The following PTPRD variants were observed in gnomAD, a reference collection of about 807,000 sequenced individuals.
The protein encoded by PTPRD is protein tyrosine phosphatase receptor type D, also known as receptor-type tyrosine-protein phosphatase delta.
PTPRD carries 34 observed loss-of-function variants against 214.5 expected under a neutral mutation model. That is an observed-to-expected ratio of 0.16 (90% CI 0.12 to 0.21). The LOEUF (loss-of-function observed/expected upper bound fraction) is 0.21. Among genes scored for constraint, PTPRD ranks in the 10% least tolerant of loss-of-function variants. The probability of loss-of-function intolerance (pLI) is 1.00; values close to 1 mark genes in which losing one functional copy is unlikely to be tolerated. For missense variants in PTPRD, 2,545 were observed against 2,398.7 expected (o/e 1.06, Z -1.27); for synonymous variants, 1,128 against 845.7 (o/e 1.33, Z -5.79).
intron 3 of PTPRD, among the ~76,000 whole-genome samples, chr9:10,186,281 A>G (rs2099329850): frequency 6.6e-6 from 1 of 152,090 alleles, no homozygotes; most frequent in African/African-American, 2.4e-5. Context: ...TATCTGCATA[A>G]TTTGTAAATT....
intron 2 of PTPRD, among the ~76,000 whole-genome samples, chr9:10,341,918 A>G (rs1565410622): frequency 6.6e-6 from 1 of 152,056 alleles, no homozygotes; most frequent in African/African-American, 2.4e-5. Flanking sequence ...TAGCAACTCA[A>G]CTTTTTAATG....
chr9:8,540,646 C>G (rs770542041), intron 14 of PTPRD, among the ~76,000 whole-genome samples: 12 of 152,098 alleles, frequency 7.9e-5, no homozygotes, highest in Non-Finnish European at 1.2e-4. Flanking sequence ...AGAATAGCTT[C>G]AGAAATCCAA....
intron 44 of PTPRD, among the ~76,000 whole-genome samples, chr9:8,327,876 C>A (rs1159392271): frequency 6.6e-6 from 1 of 152,122 alleles, no homozygotes; most frequent in African/African-American, 2.4e-5. Context: ...GGTAAATATT[C>A]CTCCATCCCT....
At chr9:8,999,901 C>T (rs1169757345) in intron 11 of PTPRD, among the ~76,000 whole-genome samples, 1 of 151,942 alleles carries the variant, frequency 6.6e-6, no homozygotes, top group East Asian at 1.9e-4. Flanking sequence ...TAAATCCTCT[C>T]AACAATTTTC....
At chr9:10,276,030 G>C (rs1053421002) in intron 3 of PTPRD, among the ~76,000 whole-genome samples, 1 of 152,128 alleles carries the variant, frequency 6.6e-6, no homozygotes, top group African/African-American at 2.4e-5. Flanking sequence ...CTTTCAGTTG[G>C]ACCTTAGTGA....
chr9:9,730,811 C>G (rs1470257772), intron 7 of PTPRD, among the ~76,000 whole-genome samples: 1 of 152,070 alleles, frequency 6.6e-6, no homozygotes, highest in Non-Finnish European at 1.5e-5. Flanking sequence ...ATGCCCTTTA[C>G]AAAGTGAGAC....
At chr9:9,144,483 G>A (rs978323146) in intron 10 of PTPRD, among the ~76,000 whole-genome samples, 2 of 152,168 alleles carry the variant, frequency 1.3e-5, no homozygotes, top group South Asian at 4.1e-4. Flanking sequence ...GCCGGGTGCG[G>A]TGACCCATGC....
intron 5 of PTPRD, among the ~76,000 whole-genome samples, chr9:9,886,070 A>T (rs2070781227): frequency 6.6e-6 from 1 of 152,016 alleles, no homozygotes; most frequent in South Asian, 2.1e-4. Context: ...ACTGCTATGG[A>T]TAGAAAACAG....
intron 11 of PTPRD, among the ~76,000 whole-genome samples, chr9:8,870,273 C>T (rs1223847883): frequency 6.6e-6 from 1 of 151,964 alleles, no homozygotes; most frequent in African/African-American, 2.4e-5. Context: ...AAACAGACCC[C>T]TCAAAATAAC....
At chr9:10,467,935 T>C (rs1195545600) in intron 2 of PTPRD, among the ~76,000 whole-genome samples, 1 of 151,834 alleles carries the variant, frequency 6.6e-6, no homozygotes, top group Non-Finnish European at 1.5e-5. Flanking sequence ...GAAACACAAA[T>C]CAAAACCACA....
At chr9:8,378,957 A>G (rs1232962814) in intron 37 of PTPRD, among the ~76,000 whole-genome samples, 1 of 152,102 alleles carries the variant, frequency 6.6e-6, no homozygotes, top group Non-Finnish European at 1.5e-5. Context: ...TAAGTTTCAA[A>G]CTGCAACTAT....
chr9:9,605,535 G>A (rs2094096372), intron 7 of PTPRD, among the ~76,000 whole-genome samples: 1 of 151,976 alleles, frequency 6.6e-6, no homozygotes, highest in African/African-American at 2.4e-5. Context: ...AAGTTTTCTA[G>A]ACTATATGGT....
chr9:9,114,389 A>G (rs1424186028), intron 10 of PTPRD, among the ~76,000 whole-genome samples: 1 of 152,112 alleles, frequency 6.6e-6, no homozygotes, highest in African/African-American at 2.4e-5. Context: ...GGCCCCTTAC[A>G]CTCGGAAAAT....
At chr9:8,982,938 A>T (rs2099320809) in intron 11 of PTPRD, among the ~76,000 whole-genome samples, 2 of 152,028 alleles carry the variant, frequency 1.3e-5, no homozygotes, top group African/African-American at 2.4e-5. Context: ...CTGCATAGGG[A>T]TACACTCTAG....
chr9:9,433,074 G>C (rs2143411710), intron 8 of PTPRD, among the ~76,000 whole-genome samples: 1 of 152,264 alleles, frequency 6.6e-6, no homozygotes, highest in Non-Finnish European at 1.5e-5. Flanking sequence ...GCACACAAAA[G>C]ATAGGACAAG....
At chr9:9,003,331 T>G (rs1047344217) in intron 11 of PTPRD, among the ~76,000 whole-genome samples, 3 of 152,022 alleles carry the variant, frequency 2.0e-5, no homozygotes, top group African/African-American at 4.8e-5. Flanking sequence ...CTCTGAATAC[T>G]CTAGGCAGTC....
chr9:9,782,668 T>G (rs2098861969), intron 5 of PTPRD, among the ~76,000 whole-genome samples: 1 of 152,208 alleles, frequency 6.6e-6, no homozygotes, highest in Non-Finnish European at 1.5e-5. Context: ...CTGAGTTATT[T>G]ATGTGGAAGA....
At chr9:9,759,292 A>G (rs190458204) in intron 6 of PTPRD, among the ~76,000 whole-genome samples, 14 of 152,102 alleles carry the variant, frequency 9.2e-5, no homozygotes, top group Non-Finnish European at 1.5e-4. Context: ...ACTATGTACC[A>G]TTGGTAAACT....
At chr9:9,664,345 A>T (rs191529591) in intron 7 of PTPRD, among the ~76,000 whole-genome samples, 109 of 151,772 alleles carry the variant, frequency 7.2e-4, no homozygotes, top group African/African-American at 2.6e-3. Context: ...AGGGCAAAAA[A>T]GATCAACTTC....
Sources: allele counts gnomAD v4.1 joint callset (sites outside exome capture counted in the v4.1 genomes callset), GRCh38; gene constraint gnomAD v4.1.1; transcripts MANE v1.5; gene names NCBI Gene and HGNC (gene_info 2026-07-23, HGNC 2026-07-21).